Variants in GFM1 observed in about 807,000 individuals in gnomAD.
The protein encoded by GFM1 is elongation factor G, mitochondrial.
GFM1 carries 62 observed loss-of-function variants against 96.2 expected under a neutral mutation model. The ratio of observed to expected loss-of-function variants is 0.64; its 90% CI spans 0.53 to 0.80. The LOEUF (loss-of-function observed/expected upper bound fraction) is 0.80, where lower values mean the gene tolerates loss of function less well. Ranked by LOEUF, GFM1 falls within the 30% of genes least tolerant of loss-of-function variation. The probability of loss-of-function intolerance (pLI) is 0.00; values close to 1 mark genes in which losing one functional copy is unlikely to be tolerated. For synonymous variants in GFM1, 282 were observed against 312.9 expected, an observed-to-expected ratio of 0.90 and a Z score of 1.04; for missense variants, 852 against 916.6, an observed-to-expected ratio of 0.93 and a Z score of 0.91.
intron 16 of GFM1, chr3:158,690,626 C>G (rs769799030): frequency 3.8e-5 from 14 of 365,112 alleles, no homozygotes; most frequent in Non-Finnish European, 7.0e-5. Flanking sequence ...TATATTATCT[C>G]TCTCATTTTA....
chr3:158,690,149 T>C lies in GFM1; in HGVS notation c.1910-14T>C. ...GTATGAAGACTAATGAACTTTTTTT[T>C]TTTTTTAACCCAGCCTTGGCAAATG... On this transcript the variant is annotated splice_polypyrimidine_tract_variant and intron_variant, in intron 15 of 17. Transcript: ENST00000486715. 1.9e-6 allele frequency: 3 copies of C among 1,612,296 alleles called. No individual in the cohort carries two copies. Among genetic ancestry groups the C allele is most frequent in the Non-Finnish European group, 2.5e-6 (3 of 1,178,888 alleles).
rs777596680 is a variant in GFM1 at position 158,690,272 on chromosome 3, G to A, written c.2019G>A (p.Gly673=). The A allele has an allele frequency of 6.2e-7, 1 of 1,613,818 alleles. No homozygotes were observed. The highest frequency in any genetic ancestry group is 8.5e-7 in the Non-Finnish European group (1 of 1,179,896). The change falls in exon 16 of 18, where the codon GGG becomes GGA. Residue 673 remains glycine (G), a synonymous_variant. Transcript: ENST00000486715. ...QVIAGINRRH[G]VITGQDGVED... is the part of the protein sequence containing the mutation. ...TTGCAGGAATTAACCGACGCCATGG[G>A]GTAATCACTGGGCAAGATGGAGTTG...
At chr3:158,653,285 A>G (rs1009348771) in intron 6 of GFM1, 25 bp from the exon 7 acceptor site, 3 of 1,585,168 alleles carry the variant, frequency 1.9e-6, no homozygotes, top group South Asian at 2.2e-5. Context: ...AACATTAACT[A>G]CCATTAAATT....
At chr3:158,653,034 AT>A (rs958217502) in intron 6 of GFM1, among the ~76,000 whole-genome samples, 21 of 150,932 alleles carry the variant, frequency 1.4e-4, no homozygotes, top group African/African-American at 3.9e-4. Flanking sequence ...GTGTATATGT[AT>A]TTTTTTTTAG....
Position 158,690,196 on chromosome 3 carries a change from C to G in GFM1, c.1943C>G (p.Pro648Arg). 1.2e-6 allele frequency: 2 copies of G among 1,613,100 alleles called. No homozygotes were observed. Among genetic ancestry groups the G allele is most frequent in the Non-Finnish European group, 1.7e-6 (2 of 1,179,670 alleles). Residue 648 changes from proline (P) to arginine (R), a missense_variant, in exon 16 of 18, where the codon CCT (proline) becomes CGT (arginine). Pro to Arg is a moderately radical substitution (Grantham distance 103). Coordinates refer to ENST00000486715, the MANE Select transcript of GFM1 (RefSeq NM_024996.7). ...AATGCAACATTATGTATTCTTGAAC[C>G]TATTATGGCTGTGGAAGTTGTAGCT... ...LANATLCILE[P>R]IMAVEVVAPN...
chr3:158,655,691 C>A, intron 8 of GFM1: 1 of 256,222 alleles, frequency 3.9e-6, no homozygotes, highest in South Asian at 4.4e-5. Flanking sequence ...CAGAGAATTC[C>A]TGTATATCCT....
At chr3:158,650,239 G>T in intron 5 of GFM1, 1 of 614,176 alleles carries the variant, frequency 1.6e-6, no homozygotes, top group Non-Finnish European at 2.9e-6. Context: ...GGCCCAGTAA[G>T]GCAGAGTTTT....
At chr3:158,683,597 A>G (rs189417464) in intron 14 of GFM1, among the ~76,000 whole-genome samples, 4 of 152,366 alleles carry the variant, frequency 2.6e-5, no homozygotes, top group Admixed American at 1.3e-4. Context: ...CAATGAGGCA[A>G]AGCAGTTAGA....
In GFM1 at chr3:158,685,883, A is replaced by G. The variant is rs1304257395; in HGVS notation, c.1909+1215A>G. Reference sequence around the variant, plus strand: ...TATGTCTTAAACTGACAAATTAGTTATAATCACTTTATATACTTTTTAGAA... The same window carrying G: ...TATGTCTTAAACTGACAAATTAGTTGTAATCACTTTATATACTTTTTAGAA... On this transcript the variant is annotated intron_variant, in intron 15 of 17. Coordinates refer to ENST00000486715, the MANE Select transcript of GFM1 (RefSeq NM_024996.7). Among the ~76,000 whole-genome samples, 7 of 152,306 alleles carry G rather than the reference A, an allele frequency of 4.6e-5. No individual in the cohort carries two copies. The East Asian group carries it at 9.6e-4, about 21-fold the overall frequency.
chr3:158,664,414 A>G (rs1366526202), intron 11 of GFM1, among the ~76,000 whole-genome samples: 1 of 152,184 alleles, frequency 6.6e-6, no homozygotes, highest in Non-Finnish European at 1.5e-5. Context: ...GCAGTATTCA[A>G]TTCCTTGTGG....
At position 158,665,219 on chromosome 3, in the gene GFM1, T is replaced by A. The variant is rs183473515; in HGVS notation, c.1381-118T>A. 3.9e-5 allele frequency: 29 copies of A among 749,442 alleles called. No homozygotes were observed. The Admixed American group carries it at 6.2e-4, about 16-fold the overall frequency. 46.4% of individuals were successfully genotyped at this position (749,442 alleles called of 1,614,324 possible). A position where few individuals can be genotyped will look rare whatever the true frequency, so the allele number is the denominator to read the frequency against. On this transcript the variant is annotated intron_variant, in intron 11 of 17. Coordinates refer to ENST00000486715, the MANE Select transcript of GFM1 (RefSeq NM_024996.7). ...ATGGTGTGGAGTAGAACTAGATATGTATCATTTTTATTTCTTAACTGCTGA... is the reference window on the plus strand; with the variant it reads ...ATGGTGTGGAGTAGAACTAGATATGAATCATTTTTATTTCTTAACTGCTGA...
At chr3:158,665,299 T>C (rs770722506) in intron 11 of GFM1, 38 bp from the exon 12 acceptor site, 14 of 1,525,910 alleles carry the variant, frequency 9.2e-6, no homozygotes, top group Non-Finnish European at 1.3e-5. Context: ...CTTATCATGC[T>C]CAGTAAAACA....
chr3:158,669,743 A>G, intron 13 of GFM1: 1 of 814,920 alleles, frequency 1.2e-6, no homozygotes, highest in South Asian at 1.7e-5. Context: ...GCTTGTTTTC[A>G]GAGGTATCTA....
intron 11 of GFM1, among the ~76,000 whole-genome samples, chr3:158,664,042 C>G (rs1431628811): frequency 2.0e-5 from 3 of 152,132 alleles, no homozygotes; most frequent in African/African-American, 7.2e-5. Flanking sequence ...TGGCCTTGAA[C>G]AAATCACTTA....
At chr3:158,654,764 A>G (rs1722608306) in intron 8 of GFM1, 133 bp downstream of exon 8, 1 of 694,776 alleles carries the variant, frequency 1.4e-6, no homozygotes, top group Admixed American at 2.2e-5. Flanking sequence ...GCAGGTAGAG[A>G]ATTTCCAAAG....
At chr3:158,659,216 T>G in intron 9 of GFM1, 157 bp downstream of exon 9, 1 of 822,442 alleles carries the variant, frequency 1.2e-6, no homozygotes, top group South Asian at 1.7e-5. Context: ...TCTAGCACTT[T>G]GCTATAGGAT....
Position 158,693,974 on chromosome 3 carries a change from C to A in GFM1, c.*2507C>A, listed in dbSNP as rs1481275919. Among the ~76,000 whole-genome samples, 1 of 151,770 alleles carries A rather than the reference C, an allele frequency of 6.6e-6. No homozygotes were observed. The highest frequency in any genetic ancestry group is 1.5e-5 in the Non-Finnish European group (1 of 67,958). On this transcript the variant is annotated 3_prime_UTR_variant, in exon 18 of 18. Transcript: ENST00000486715. ...AAATTCAGGAGTGTCATATTGTATT[C>A]TTTTGTGTGATATTAGAGTTTGGTT...
At chr3:158,669,688 A>T in intron 13 of GFM1, 1 of 1,366,876 alleles carries the variant, frequency 7.3e-7, no homozygotes, top group East Asian at 2.4e-5. Flanking sequence ...ATATGATTTA[A>T]AGCATAGGCT....
Position 158,684,681 on chromosome 3 carries a change from C to T in GFM1, c.1909+13C>T, listed in dbSNP as rs141146379. On this transcript the variant is annotated intron_variant, in intron 15 of 17. Transcript: ENST00000486715. ...GCTCTTAAACAAGGTATGCTGGGTC[C>T]GGGCACCTTAGCCTGTCTGTTTTCC... 5.5e-4 allele frequency: 881 copies of T among 1,613,574 alleles called. 2 individuals carry two copies. In the African/African-American group the frequency reaches 8.9e-3, roughly 16 times the overall value.
Sources: gnomAD v4.1 joint callset for allele counts (sites outside exome capture counted in the v4.1 genomes callset) on GRCh38, gnomAD v4.1.1 for gene constraint, MANE v1.5 for transcripts, NCBI Gene and HGNC (gene_info 2026-07-23, HGNC 2026-07-21) for gene names.